The following CPEB4 variants were observed in gnomAD, a reference collection of about 807,000 sequenced individuals.
CPEB4 encodes cytoplasmic polyadenylation element binding protein 4, also known as cytoplasmic polyadenylation element-binding protein 4.
CPEB4 carries 12 observed loss-of-function variants against 72.5 expected under a neutral mutation model. The ratio of observed to expected loss-of-function variants is 0.17; its 90% CI spans 0.11 to 0.27. The LOEUF is 0.27. CPEB4 is among the 10% of genes least tolerant of loss of function. The pLI is 1.00. For missense variants in CPEB4, 614 were observed against 908.5 expected, an observed-to-expected ratio of 0.68 and a Z score of 4.17; for synonymous variants, 302 against 326.3, an observed-to-expected ratio of 0.93 and a Z score of 0.80.
At chr5:173,912,049 C>A (rs1756684885) in intron 2 of CPEB4, among the ~76,000 whole-genome samples, 1 of 152,100 alleles carries the variant, frequency 6.6e-6, no homozygotes, top group Non-Finnish European at 1.5e-5. Context: ...AAATAGGCAT[C>A]CATCTGATGT....
intron 9 of CPEB4, among the ~76,000 whole-genome samples, chr5:173,954,800 A>G (rs1415327767): frequency 6.6e-6 from 1 of 152,134 alleles, no homozygotes; most frequent in Non-Finnish European, 1.5e-5. Flanking sequence ...CTGCAATGAA[A>G]TCCTTTGCCC....
intron 1 of CPEB4, chr5:173,891,520 T>G (rs758019829): frequency 6.6e-6 from 1 of 152,238 alleles, no homozygotes; most frequent in Non-Finnish European, 1.5e-5. Context: ...TGTGAAACTG[T>G]TCATCTCAGA....
chr5:173,894,807 T>C (rs1279514066), intron 1 of CPEB4, among the ~76,000 whole-genome samples: 2 of 151,934 alleles, frequency 1.3e-5, no homozygotes, highest in Non-Finnish European at 2.9e-5. Flanking sequence ...GGCAGGGGGA[T>C]AGTGGGTGCA....
At chr5:173,935,517 T>C (rs909867020) in intron 3 of CPEB4, among the ~76,000 whole-genome samples, 2 of 152,224 alleles carry the variant, frequency 1.3e-5, no homozygotes, top group African/African-American at 4.8e-5. Context: ...CTGCTTTGTT[T>C]CAATGTAACT....
At chr5:173,905,674 C>G (rs1756409534) in intron 1 of CPEB4, among the ~76,000 whole-genome samples, 1 of 152,088 alleles carries the variant, frequency 6.6e-6, no homozygotes, top group South Asian at 2.1e-4. Flanking sequence ...GATCACTGAC[C>G]CTTGCCTTTT....
chr5:173,915,501 C>T (rs1756836538), intron 2 of CPEB4, among the ~76,000 whole-genome samples: 1 of 152,142 alleles, frequency 6.6e-6, no homozygotes, highest in Admixed American at 6.5e-5. Flanking sequence ...ATAACCAACA[C>T]CAGTGACAAT....
At chr5:173,954,198 C>A (rs1265986942) in intron 9 of CPEB4, among the ~76,000 whole-genome samples, 1 of 152,154 alleles carries the variant, frequency 6.6e-6, no homozygotes, top group African/African-American at 2.4e-5. Flanking sequence ...ATGTAAAAAT[C>A]ATCAAGTCAG....
intron 1 of CPEB4, among the ~76,000 whole-genome samples, chr5:173,894,408 G>A (rs1755927441): frequency 6.6e-6 from 1 of 151,894 alleles, no homozygotes. Flanking sequence ...ATCACTTGAG[G>A]TCAAGAGTTC....
At chr5:173,913,825 G>C (rs1756766567) in intron 2 of CPEB4, among the ~76,000 whole-genome samples, 1 of 152,200 alleles carries the variant, frequency 6.6e-6, no homozygotes, top group African/African-American at 2.4e-5. Flanking sequence ...GTGGCTTTTG[G>C]AATCAGATCT....
intron 2 of CPEB4, among the ~76,000 whole-genome samples, chr5:173,914,235 C>T (rs931263948): frequency 2.0e-5 from 3 of 152,148 alleles, no homozygotes; most frequent in African/African-American, 7.2e-5. Context: ...TCTTGTCAAA[C>T]TATCTTCTGA....
rs759101869 is a variant in CPEB4 at position 173,953,138 on chromosome 5, G to A, written c.1828G>A (p.Ala610Thr). The change falls in exon 9 of 10, where the codon GCT (alanine) becomes ACT (threonine). Residue 610 changes from alanine to threonine, a missense_variant. Physicochemically the swap from Ala to Thr is moderately conservative, Grantham distance 58 (BLOSUM62 0). This residue lies in a region of CPEB4 where 101 missense variants were observed against 243.1 expected (regional missense o/e 0.42). Coordinates refer to ENST00000265085, the MANE Select transcript of CPEB4 (RefSeq NM_030627.4). ...TCGGCTATATGGAGGTGTGTGCTACGCTGGGATTGATACCGACCCTGAGCT... is the reference window on the plus strand; with the variant it reads ...TCGGCTATATGGAGGTGTGTGCTACACTGGGATTGATACCGACCCTGAGCT... ...MDRLYGGVCY[A>T]GIDTDPELKY... 1.1e-5 allele frequency: 17 copies of A among 1,613,738 alleles called. No homozygotes were observed. Among genetic ancestry groups the A allele is most frequent in the South Asian group, 5.5e-5 (5 of 91,050 alleles).
rs769060582 is a variant in CPEB4 at position 173,899,558 on chromosome 5, CA to C, written c.1125+8703del. Among the ~76,000 whole-genome samples, 9 of 152,074 alleles carry C rather than the reference CA, an allele frequency of 5.9e-5. 1 individual carries two copies. The highest frequency in any genetic ancestry group is 1.0e-4 in the Non-Finnish European group (7 of 68,024). ...AAATAAGAGATCCAGTTAAAGCACC[CA>C]AATACCAGCTAGTGATTCGAAATTT... On this transcript the variant is annotated intron_variant, in intron 1 of 9. Coordinates refer to ENST00000265085, the MANE Select transcript of CPEB4 (RefSeq NM_030627.4).
Position 173,889,539 on chromosome 5 carries a change from G to C in CPEB4, c.-195G>C. On this transcript the variant is annotated 5_prime_UTR_variant, in exon 1 of 10. Coordinates refer to ENST00000265085, the MANE Select transcript of CPEB4 (RefSeq NM_030627.4). ...AATGTTTTAAGAGATTTTTTTAAGA[G>C]TTGTTTTTTCTTTCAGAGACCAGAA... The C allele has an allele frequency of 2.1e-6, 1 of 476,770 alleles. No homozygotes were observed. Among genetic ancestry groups the C allele is most frequent in the Non-Finnish European group, 3.7e-6 (1 of 267,962 alleles). The allele number at this position is 476,770 out of a possible 1,614,324, so 29.5% of individuals were successfully genotyped here.
Position 173,934,374 on chromosome 5 carries a change from ATGT to A in CPEB4, c.1258+1878_1258+1880del, listed in dbSNP as rs370246782. Among the ~76,000 whole-genome samples the A allele has an allele frequency of 4.2e-4, 64 of 152,268 alleles. 2 individuals carry two copies. The South Asian group carries it at 0.013, about 32-fold the overall frequency. ...TTAAGAGAAGACTAGATAGTTTTTA[ATGT>A]TGTATACGTGGAAATTTTGTTTATT... On this transcript the variant is annotated intron_variant, in intron 3 of 9. Coordinates refer to ENST00000265085, the MANE Select transcript of CPEB4 (RefSeq NM_030627.4).
Position 173,961,629 on chromosome 5 carries a change from T to G in CPEB4, c.*5492T>G, listed in dbSNP as rs2113324928. 1 of 152,284 alleles carries G rather than the reference T, an allele frequency of 6.6e-6. No homozygotes were observed. The highest frequency in any genetic ancestry group is 3.4e-3 in the Middle Eastern group (1 of 294). 9.4% of individuals were successfully genotyped at this position (152,284 alleles called of 1,614,324 possible). On this transcript the variant is annotated 3_prime_UTR_variant, in exon 10 of 10. Transcript: ENST00000265085. The stretch of plus-strand genomic sequence containing the variant: ...AAACAGTGGAAATTCTCTACCACAC[T>G]CTTAACAATCAAGTCATTTCATAAC...
Position 173,890,578 on chromosome 5 carries a change from C to A in CPEB4, c.845C>A (p.Pro282His), listed in dbSNP as rs200272697. The change falls in exon 1 of 10, where the codon CCC (proline) becomes CAC (histidine). Residue 282 changes from proline (P) to histidine (H), a missense_variant. Physicochemically the swap from Pro to His is moderately conservative, Grantham distance 77 (BLOSUM62 -2). Around this residue, in one of 5 missense-constraint regions of CPEB4, gnomAD observed 458 missense variants for 548.6 expected, o/e 0.83. Transcript: ENST00000265085. ...PHLANNLNKPPSPWSSYQSPS... is the reference protein window; with the variant it reads ...PHLANNLNKPHSPWSSYQSPS... ...TTGGCGAATAATCTTAACAAACCCC[C>A]CTCTCCGTGGAGCAGCTACCAGAGT... 7.2e-5 allele frequency: 117 copies of A among 1,614,056 alleles called. No individual in the cohort carries two copies. Among genetic ancestry groups the A allele is most frequent in the Non-Finnish European group, 9.4e-5 (111 of 1,180,034 alleles).
intron 5 of CPEB4, 126 bp from the exon 6 acceptor site, chr5:173,949,382 A>T (rs1758140818): frequency 3.2e-6 from 2 of 629,116 alleles, no homozygotes. Context: ...GGGAATCTAG[A>T]TGAAGGGGAT....
In CPEB4 at chr5:173,910,575, T is replaced by C; in HGVS notation, c.1178T>C (p.Ile393Thr). ...MHSLESSLIDIMRAENDTIKG... is the reference protein window; with the variant it reads ...MHSLESSLIDTMRAENDTIKG... ...TCACTGGAGAGTTCACTCATTGACA[T>C]AATGAGAGCTGAAAATGATACCATT... Residue 393 changes from isoleucine to threonine, a missense_variant, in exon 2 of 10, where the codon ATA (isoleucine) becomes ACA (threonine). By Grantham distance (89) the Ile-to-Thr change is moderately conservative. Transcript: ENST00000265085. 1 of 1,610,914 alleles carries C rather than the reference T, an allele frequency of 6.2e-7. No homozygotes were observed. Among genetic ancestry groups the C allele is most frequent in the South Asian group, 1.1e-5 (1 of 91,008 alleles).
At chr5:173,902,619 A>G in intron 1 of CPEB4, among the ~76,000 whole-genome samples, 1 of 152,206 alleles carries the variant, frequency 6.6e-6, no homozygotes, top group Admixed American at 6.5e-5. Flanking sequence ...ATGTAACATG[A>G]TGGGTGATGT....
Sources: gnomAD v4.1 joint callset for allele counts (sites outside exome capture counted in the v4.1 genomes callset) on GRCh38, gnomAD v4.1.1 for gene constraint, gnomAD v4.1.1 regional missense constraint, MANE v1.5 for transcripts, NCBI Gene and HGNC (gene_info 2026-07-23, HGNC 2026-07-21) for gene names.